The following CYRIA variants were observed in gnomAD, a reference collection of about 807,000 sequenced individuals.
The protein encoded by CYRIA is CYFIP related Rac1 interactor A, also known as CYFIP-related Rac1 interactor A.
In CYRIA, 15 loss-of-function variants were observed where a neutral mutation model predicts 43.9. The observed-to-expected ratio is 0.34, with a 90% CI of 0.23 to 0.53. The LOEUF (loss-of-function observed/expected upper bound fraction) is 0.53, where lower values mean the gene tolerates loss of function less well. CYRIA is among the 20% of genes least tolerant of loss of function. The probability of loss-of-function intolerance (pLI) is 0.94; values close to 1 mark genes in which losing one functional copy is unlikely to be tolerated. For synonymous variants in CYRIA, 117 were observed against 136.0 expected (o/e 0.86, Z 0.97); for missense variants, 236 against 394.2 (o/e 0.60, Z 3.40).
intron 2 of CYRIA, among the ~76,000 whole-genome samples, chr2:16,609,897 C>T (rs1572503265): frequency 1.3e-5 from 2 of 152,164 alleles, no homozygotes; most frequent in African/African-American, 4.8e-5. Flanking sequence ...GTATCCAGAA[C>T]GGTTTCCAGG....
Position 16,559,462 on chromosome 2 carries a change from C to A in CYRIA, c.835G>T (p.Asp279Tyr), listed in dbSNP as rs759635158. Residue 279 changes from aspartate (D) to tyrosine (Y), a missense_variant and splice_region_variant, in exon 10 of 12, where the codon GAT becomes TAT. By Grantham distance (160) the Asp-to-Tyr change is radical. Around this residue, in one of 3 missense-constraint regions of CYRIA, gnomAD observed 40 missense variants for 62.2 expected, o/e 0.64. Coordinates refer to ENST00000381323, the MANE Select transcript of CYRIA (RefSeq NM_030797.4). ...VGAFCKTSKI[D>Y]MKGCIKVLKE... ...GCACATTTCACAACTATTCTTACAT[C>A]GATCTTGGATGTCTTGCAGAAAGCT... is the stretch of plus-strand genomic sequence containing the variant. The A allele has an allele frequency of 1.2e-6, 2 of 1,611,870 alleles. No homozygotes were observed. Among genetic ancestry groups the A allele is most frequent in the Non-Finnish European group, 1.7e-6 (2 of 1,179,030 alleles).
intron 3 of CYRIA, among the ~76,000 whole-genome samples, chr2:16,571,582 A>T (rs1355538064): frequency 6.6e-6 from 1 of 152,256 alleles, no homozygotes; most frequent in Non-Finnish European, 1.5e-5. Flanking sequence ...GGACAATTTG[A>T]CAGAGAATCA....
At chr2:16,583,952 A>T (rs1232720949) in intron 3 of CYRIA, among the ~76,000 whole-genome samples, 1 of 152,216 alleles carries the variant, frequency 6.6e-6, no homozygotes, top group Non-Finnish European at 1.5e-5. Context: ...GTTTTGACCC[A>T]GCTTAATTAT....
intron 1 of CYRIA, among the ~76,000 whole-genome samples, chr2:16,645,331 T>C (rs1669788164): frequency 6.8e-6 from 1 of 148,050 alleles, no homozygotes; most frequent in African/African-American, 2.7e-5. Context: ...AACCAGAAGT[T>C]TGGCTTCAAC....
At chr2:16,629,674 G>A (rs957154060) in intron 1 of CYRIA, among the ~76,000 whole-genome samples, 4 of 152,180 alleles carry the variant, frequency 2.6e-5, no homozygotes, top group Non-Finnish European at 2.9e-5. Context: ...CTCATCCTGT[G>A]ATAAAAGGAA....
At chr2:16,615,902 G>A (rs751633992) in intron 2 of CYRIA, among the ~76,000 whole-genome samples, 1 of 152,228 alleles carries the variant, frequency 6.6e-6, no homozygotes, top group Non-Finnish European at 1.5e-5. Context: ...AGGACACAGG[G>A]CAGGCGCCCT....
intron 2 of CYRIA, among the ~76,000 whole-genome samples, chr2:16,607,725 C>G (rs1376976443): frequency 1.3e-5 from 2 of 152,032 alleles, no homozygotes; most frequent in African/African-American, 4.8e-5. Flanking sequence ...GCCTCCCAAG[C>G]AGGTGGGATT....
intron 1 of CYRIA, among the ~76,000 whole-genome samples, chr2:16,644,867 CCA>C (rs1669776137): frequency 6.6e-6 from 1 of 152,134 alleles, no homozygotes; most frequent in African/African-American, 2.4e-5. Flanking sequence ...CACCAACCCC[CCA>C]CACACGGAGC....
intron 1 of CYRIA, among the ~76,000 whole-genome samples, chr2:16,657,415 AT>A (rs898292896): frequency 9.9e-5 from 15 of 151,450 alleles, no homozygotes; most frequent in Admixed American, 5.3e-4. Flanking sequence ...TTCTCAGGAA[AT>A]TTTTTTTAAA....
At chr2:16,665,682 C>CGCCTCGCGGT (rs1230406833) in intron 1 of CYRIA, 98 bp downstream of exon 1, 49 of 150,810 alleles carry the variant, frequency 3.2e-4, no homozygotes, top group African/African-American at 1.1e-3. Flanking sequence ...GCGCCCGCCC[C>CGCCTCGCGGT]GCCTCGCGGT....
At position 16,629,098 on chromosome 2, in the gene CYRIA, G is replaced by A. The variant is rs571879585; in HGVS notation, c.-166-5079C>T. ...TGAGGACAGCCTGAGACAAGCAGAT[G>A]GGAAACCAGCACGGGAATACAGCTG... On this transcript the variant is annotated intron_variant, in intron 1 of 11. Coordinates refer to ENST00000381323, the MANE Select transcript of CYRIA (RefSeq NM_030797.4). Among the ~76,000 whole-genome samples the A allele has an allele frequency of 6.4e-4, 94 of 147,746 alleles. 2 individuals carry two copies. The East Asian group carries it at 0.023, about 36-fold the overall frequency.
At chr2:16,633,431 T>TTTG (rs2103524348) in intron 1 of CYRIA, among the ~76,000 whole-genome samples, 1 of 150,732 alleles carries the variant, frequency 6.6e-6, no homozygotes, top group African/African-American at 2.5e-5. Context: ...TATTTATTTT[T>TTTG]GAGACAGGGT....
At chr2:16,585,650 A>C (rs779830242) in intron 3 of CYRIA, among the ~76,000 whole-genome samples, 8 of 152,262 alleles carry the variant, frequency 5.3e-5, no homozygotes, top group Non-Finnish European at 1.2e-4. Flanking sequence ...TTTTAGTACT[A>C]TAAACTATCA....
chr2:16,568,618 A>C (rs1667028838), intron 3 of CYRIA, among the ~76,000 whole-genome samples: 1 of 152,210 alleles, frequency 6.6e-6, no homozygotes, highest in Admixed American at 6.5e-5. Context: ...ACAAATAAAA[A>C]TAAAACACTG....
intron 1 of CYRIA, among the ~76,000 whole-genome samples, chr2:16,629,663 C>T (rs919764628): frequency 6.6e-6 from 1 of 152,112 alleles, no homozygotes; most frequent in African/African-American, 2.4e-5. Flanking sequence ...GGCTCTGGGC[C>T]CTCATCCTGT....
At chr2:16,656,923 G>GAAACA (rs1670130105) in intron 1 of CYRIA, among the ~76,000 whole-genome samples, 2 of 152,140 alleles carry the variant, frequency 1.3e-5, no homozygotes, top group African/African-American at 4.8e-5. Flanking sequence ...AAACACTAGA[G>GAAACA]CTGTGGAAGA....
intron 5 of CYRIA, among the ~76,000 whole-genome samples, chr2:16,562,862 T>C (rs573290249): frequency 6.6e-6 from 1 of 151,388 alleles, no homozygotes; most frequent in South Asian, 2.1e-4. Flanking sequence ...TGTTATGTAA[T>C]GACTAGGGCT....
chr2:16,586,626 A>T (rs1447561064), intron 3 of CYRIA, among the ~76,000 whole-genome samples: 1 of 142,764 alleles, frequency 7.0e-6, no homozygotes, highest in Non-Finnish European at 1.5e-5. Flanking sequence ...TCAAGTAGCT[A>T]TTTAAAACCT....
At chr2:16,611,763 G>A (rs969325747) in intron 2 of CYRIA, among the ~76,000 whole-genome samples, 3 of 152,020 alleles carry the variant, frequency 2.0e-5, no homozygotes, top group Admixed American at 6.5e-5. Context: ...CGTACTGGGC[G>A]GAGGGGCGGA....
Sources: gnomAD v4.1 joint callset for allele counts (sites outside exome capture counted in the v4.1 genomes callset) on GRCh38, gnomAD v4.1.1 for gene constraint, gnomAD v4.1.1 regional missense constraint, MANE v1.5 for transcripts, NCBI Gene and HGNC (gene_info 2026-07-23, HGNC 2026-07-21) for gene names.